WDFY4: variants seen among roughly 807,000 people sequenced by gnomAD.
WDFY4 encodes WDFY family member 4.
WDFY4 carries 169 observed loss-of-function variants against 351.9 expected under a neutral mutation model. That is an observed-to-expected ratio of 0.48 (90% CI 0.42 to 0.55). WDFY4 has a LOEUF of 0.55. Ranked by LOEUF, WDFY4 falls within the 20% of genes least tolerant of loss-of-function variation. The pLI, the probability that WDFY4 is intolerant of heterozygous loss-of-function variation, is 0.00. For synonymous variants in WDFY4, 1,622 were observed against 1,574.6 expected (o/e 1.03, Z -0.71); for missense variants, 3,803 against 3,935.6 (o/e 0.97, Z 0.90).
At chr10:48,802,404 G>T (rs1182851657) in intron 24 of WDFY4, among the ~76,000 whole-genome samples, 1 of 152,050 alleles carries the variant, frequency 6.6e-6, no homozygotes, top group East Asian at 1.9e-4. Flanking sequence ...TAATATTTTG[G>T]GTCTTTTTAT....
intron 47 of WDFY4, chr10:48,913,747 G>A (rs1838233235): frequency 1.2e-6 from 2 of 1,613,686 alleles, no homozygotes; most frequent in Admixed American, 1.7e-5. Flanking sequence ...AGTGTGGTGG[G>A]CACGCTGTCC....
intron 1 of WDFY4, among the ~76,000 whole-genome samples, chr10:48,689,005 A>G (rs2063127977): frequency 6.6e-6 from 1 of 152,200 alleles, no homozygotes; most frequent in Non-Finnish European, 1.5e-5. Context: ...TTGTTAGACA[A>G]TATGTGAAGA....
At position 48,743,435 on chromosome 10, in the gene WDFY4, G is replaced by A; in HGVS notation, c.2346G>A (p.Gly782=). The change falls in exon 12 of 62, where the codon GGG becomes GGA. Residue 782 remains glycine (G), a synonymous_variant. Coordinates refer to ENST00000325239, the MANE Select transcript of WDFY4 (RefSeq NM_001394531.1). ...SMASGTLHLR[G]DLKESLRTKQ... is the part of the protein sequence containing the mutation. ...CCAGCGGCACCCTCCACTTGCGTGGGGACCTGAAGGAGTCCCTGAGGACCA... is the reference window on the plus strand; with the variant it reads ...CCAGCGGCACCCTCCACTTGCGTGGAGACCTGAAGGAGTCCCTGAGGACCA... The A allele has an allele frequency of 7.1e-6, 11 of 1,550,992 alleles. No individual in the cohort carries two copies. The highest frequency in any genetic ancestry group is 9.6e-6 in the Non-Finnish European group (11 of 1,146,978).
At chr10:48,786,953 G>T in intron 20 of WDFY4, 83 bp downstream of exon 20, 1 of 1,271,062 alleles carries the variant, frequency 7.9e-7, no homozygotes. Context: ...GATTTGCAGA[G>T]AATAAGCTCA....
At chr10:48,783,218 T>C (rs1034986720) in intron 19 of WDFY4, among the ~76,000 whole-genome samples, 1 of 152,142 alleles carries the variant, frequency 6.6e-6, no homozygotes, top group Non-Finnish European at 1.5e-5. Context: ...AATAAAATGG[T>C]GTAGTATTTG....
chr10:48,729,749 T>C (rs554627021), intron 8 of WDFY4, among the ~76,000 whole-genome samples, 160 bp downstream of exon 8: 78 of 152,264 alleles, frequency 5.1e-4, no homozygotes, highest in African/African-American at 1.8e-3. Context: ...CCCATGGGAC[T>C]TAGTGGAAAC....
At chr10:48,808,452 A>G (rs2067330120) in intron 28 of WDFY4, among the ~76,000 whole-genome samples, 1 of 152,224 alleles carries the variant, frequency 6.6e-6, no homozygotes, top group Non-Finnish European at 1.5e-5. Context: ...CATAAAGCTG[A>G]TTCCATTAAC....
At chr10:48,810,506 T>C in intron 28 of WDFY4, 24 bp from the exon 29 acceptor site, 27 of 1,544,754 alleles carry the variant, frequency 1.7e-5, no homozygotes, top group Non-Finnish European at 2.2e-5. Flanking sequence ...TGAGAGAACA[T>C]TGGTTGCATT....
chr10:48,898,621 G>A (rs1837207574), intron 45 of WDFY4, among the ~76,000 whole-genome samples: 1 of 152,212 alleles, frequency 6.6e-6, no homozygotes, highest in Non-Finnish European at 1.5e-5. Context: ...GGCCTTTAAG[G>A]TGGGGGAATT....
intron 24 of WDFY4, among the ~76,000 whole-genome samples, chr10:48,800,246 T>G (rs1030371955): frequency 2.6e-5 from 4 of 152,294 alleles, no homozygotes; most frequent in African/African-American, 9.6e-5. Flanking sequence ...GAAGACGCAG[T>G]AAAAACCAGA....
intron 20 of WDFY4, among the ~76,000 whole-genome samples, chr10:48,787,160 T>C (rs2066430734): frequency 1.3e-5 from 2 of 152,250 alleles, no homozygotes; most frequent in Admixed American, 1.3e-4. Flanking sequence ...GTTACATTGC[T>C]TTTAATGAAG....
At chr10:48,693,573 CAG>C (rs1281154090) in intron 1 of WDFY4, among the ~76,000 whole-genome samples, 1 of 152,202 alleles carries the variant, frequency 6.6e-6, no homozygotes. Flanking sequence ...ATTCAGCTCT[CAG>C]AGGAGAAATC....
chr10:48,730,248 G>A (rs2064413000), intron 8 of WDFY4, among the ~76,000 whole-genome samples: 1 of 152,246 alleles, frequency 6.6e-6, no homozygotes, highest in African/African-American at 2.4e-5. Context: ...GGAATAAATG[G>A]TGGCCTGGAA....
intron 47 of WDFY4, among the ~76,000 whole-genome samples, chr10:48,908,842 CA>C (rs1044180394): frequency 3.0e-4 from 45 of 152,294 alleles, no homozygotes; most frequent in African/African-American, 9.9e-4. Flanking sequence ...ACCACCACCA[CA>C]ATCGACATAC....
intron 39 of WDFY4, among the ~76,000 whole-genome samples, chr10:48,864,641 G>C (rs1021083627): frequency 7.2e-5 from 11 of 152,120 alleles, no homozygotes; most frequent in Admixed American, 7.2e-4. Context: ...GAATTTGATA[G>C]GGATTGTTAA....
rs201796319 is a variant in WDFY4, at chr10:48,793,251, A to C, written c.4257+2334A>C. On this transcript the variant is annotated intron_variant, in intron 23 of 61. Transcript: ENST00000325239. ...AGGTGGACAGAAAAATACTGTTAGCATGAGGGAGAGTCTCTCAGATACCTC... is the reference window on the plus strand; with the variant it reads ...AGGTGGACAGAAAAATACTGTTAGCCTGAGGGAGAGTCTCTCAGATACCTC... Among the ~76,000 whole-genome samples the C allele has an allele frequency of 5.9e-5, 9 of 152,340 alleles. No homozygotes were observed. The East Asian group carries it at 1.7e-3, about 29-fold the overall frequency.
At chr10:48,923,133 G>C (rs899490676) in intron 47 of WDFY4, among the ~76,000 whole-genome samples, 1 of 152,064 alleles carries the variant, frequency 6.6e-6, no homozygotes, top group African/African-American at 2.4e-5. Flanking sequence ...CTTGTCCCAC[G>C]TTGGAAGTCT....
chr10:48,863,737 A>G (rs575343056), intron 39 of WDFY4, among the ~76,000 whole-genome samples: 2 of 152,082 alleles, frequency 1.3e-5, no homozygotes, highest in East Asian at 3.9e-4. Context: ...CCGTTTTCAT[A>G]TTGCTATAAA....
chr10:48,952,980 C>T (rs535546864), intron 51 of WDFY4, among the ~76,000 whole-genome samples: 143 of 152,276 alleles, frequency 9.4e-4, no homozygotes, highest in Middle Eastern at 3.4e-3. Context: ...GCTGTTGCTA[C>T]CAAAAGCTGC....
Sources: allele counts gnomAD v4.1 joint callset (sites outside exome capture counted in the v4.1 genomes callset), GRCh38; gene constraint gnomAD v4.1.1; transcripts MANE v1.5; gene names NCBI Gene and HGNC (gene_info 2026-07-23, HGNC 2026-07-21).